Variants in ATP11A observed in about 807,000 individuals in gnomAD.
The protein encoded by ATP11A is phospholipid-transporting ATPase IH.
Under a neutral mutation model 154.4 loss-of-function variants are expected in ATP11A, and 81 were observed. The ratio of observed to expected loss-of-function variants is 0.52; its 90% CI spans 0.44 to 0.63. ATP11A has a LOEUF of 0.63. Ranked by LOEUF, ATP11A falls within the 30% of genes least tolerant of loss-of-function variation. The pLI is 0.00. For missense variants in ATP11A, 1,316 were observed against 1,474.3 expected (o/e 0.89, Z 1.76); for synonymous variants, 623 against 585.9 (o/e 1.06, Z -0.91).
chr13:112,882,628 C>G lies in ATP11A; in HGVS notation c.*762C>G. The G allele has an allele frequency of 2.5e-6, 1 of 401,484 alleles. No individual in the cohort carries two copies. Among genetic ancestry groups the G allele is most frequent in the Non-Finnish European group, 4.4e-6 (1 of 228,462 alleles). The allele number at this position is 401,484 out of a possible 1,614,324, so 24.9% of individuals were successfully genotyped here. A position where few individuals can be genotyped will look rare whatever the true frequency, so the allele number is the denominator to read the frequency against. On this transcript the variant is annotated 3_prime_UTR_variant, in exon 30 of 30. Transcript: ENST00000375645. The surrounding 1 kb of genome is among the most constrained non-coding windows in gnomAD (Gnocchi z 5.1). ...GTTGGGGCTGGCTGAGTTTCGGTCT[C>G]CCCATCACCGGCCGCCTCGTGGAGA...
chr13:112,784,742 C>T (rs529452396), intron 1 of ATP11A, among the ~76,000 whole-genome samples: 18 of 152,296 alleles, frequency 1.2e-4, no homozygotes, highest in Admixed American at 3.9e-4. Context: ...CCAGGATGGT[C>T]TCCATCTCCT....
At chr13:112,744,767 A>G (rs889132268) in intron 1 of ATP11A, among the ~76,000 whole-genome samples, 7 of 152,322 alleles carry the variant, frequency 4.6e-5, no homozygotes, top group African/African-American at 7.2e-5. Flanking sequence ...CAGTGTTCCA[A>G]GTGTGTCCCA....
At chr13:112,880,797 T>C in intron 29 of ATP11A, 2 of 1,149,496 alleles carry the variant, frequency 1.7e-6, no homozygotes, top group Non-Finnish European at 2.2e-6. Context: ...GCATTTGCTG[T>C]CCCAGGTAAG....
intron 27 of ATP11A, among the ~76,000 whole-genome samples, chr13:112,874,831 C>G (rs1010773412): frequency 6.6e-6 from 1 of 152,232 alleles, no homozygotes; most frequent in Non-Finnish European, 1.5e-5. Context: ...GCCATTCTAA[C>G]AGCCCTGAAG....
At chr13:112,778,656 G>GCTGGAGTGAGGAGTAGCCA (rs1321384009) in intron 1 of ATP11A, among the ~76,000 whole-genome samples, 2 of 145,312 alleles carry the variant, frequency 1.4e-5, no homozygotes, top group Non-Finnish European at 3.0e-5. Context: ...AGGAGTAGCC[G>GCTGGAGTGAGGAGTAGCCA]CTGGAGTGAG....
Position 112,882,615 on chromosome 13 carries a change from T to C in ATP11A, c.*749T>C, listed in dbSNP as rs2080911285. ...GCCTGCCCTGTGTGTTGGGGCTGGC[T>C]GAGTTTCGGTCTCCCCATCACCGGC... On this transcript the variant is annotated 3_prime_UTR_variant, in exon 30 of 30. Transcript: ENST00000375645. The surrounding 1 kb of genome is among the most constrained non-coding windows in gnomAD (Gnocchi z 5.1). 1.0e-5 allele frequency: 4 copies of C among 401,026 alleles called. No homozygotes were observed. In the East Asian group the frequency reaches 1.4e-4, roughly 14 times the overall value. The allele number at this position is 401,026 out of a possible 1,614,324, so 24.8% of individuals were successfully genotyped here. A position where few individuals can be genotyped will look rare whatever the true frequency, so the allele number is the denominator to read the frequency against.
At chr13:112,729,992 T>A (rs932625084) in intron 1 of ATP11A, among the ~76,000 whole-genome samples, 3 of 152,204 alleles carry the variant, frequency 2.0e-5, no homozygotes, top group African/African-American at 4.8e-5. Flanking sequence ...GCAGCATAAT[T>A]TTTAGTTACA....
intron 1 of ATP11A, among the ~76,000 whole-genome samples, chr13:112,775,561 C>CT (rs2077328094): frequency 6.6e-6 from 1 of 152,156 alleles, no homozygotes; most frequent in Admixed American, 6.5e-5. Flanking sequence ...CGAATACTTT[C>CT]AAATGACTTA....
chr13:112,835,850 C>T (rs1332682113), intron 15 of ATP11A, among the ~76,000 whole-genome samples: 5 of 152,252 alleles, frequency 3.3e-5, no homozygotes. Flanking sequence ...CTCTGTTCAG[C>T]GGTGTTTAGG....
chr13:112,808,429 T>C (rs2078386306), intron 4 of ATP11A, among the ~76,000 whole-genome samples: 1 of 152,054 alleles, frequency 6.6e-6, no homozygotes, highest in Admixed American at 6.5e-5. Flanking sequence ...GGGATGGCCT[T>C]GCTTCCCCTA....
At chr13:112,826,056 C>T (rs1263925186) in intron 11 of ATP11A, among the ~76,000 whole-genome samples, 1 of 151,850 alleles carries the variant, frequency 6.6e-6, no homozygotes, top group Admixed American at 6.6e-5. Flanking sequence ...AACCCAGACC[C>T]ATATCCACTG....
chr13:112,739,394 A>G lies in ATP11A; in HGVS notation c.40-45741A>G, dbSNP rs572591286. 3.3e-5 allele frequency among the ~76,000 whole-genome samples: 5 copies of G among 152,358 alleles called. No homozygotes were observed. In the East Asian group the frequency reaches 7.7e-4, roughly 23 times the overall value. On this transcript the variant is annotated intron_variant, in intron 1 of 29. Transcript: ENST00000375645. ...GTCAACATTATTTGCATTTATTTAC[A>G]TTAGAGAAATGCAAATAAAAACTTT...
chr13:112,790,313 C>T (rs426828), intron 2 of ATP11A, among the ~76,000 whole-genome samples: 7,959 of 150,902 alleles, frequency 0.053, 693 homozygotes, highest in African/African-American at 0.18. Context: ...AGCATCCTGA[C>T]GTGTAGACCC....
chr13:112,841,083 C>T (rs8000285), intron 16 of ATP11A, among the ~76,000 whole-genome samples: 1,885 of 152,394 alleles, frequency 0.012, 24 homozygotes, highest in South Asian at 0.048. Flanking sequence ...TCCCTGCACC[C>T]AGGCACAAAC....
rs566027391 is a variant in ATP11A at position 112,883,448 on chromosome 13, C to T, written c.*1582C>T. ...CGGCCCTCACGCCCGCCCCGCGCCA[C>T]GCTGTGGAACGGGGCTCCGGCAAGT... is the stretch of plus-strand genomic sequence containing the variant. On this transcript the variant is annotated 3_prime_UTR_variant, in exon 30 of 30. Coordinates refer to ENST00000375645, the MANE Select transcript of ATP11A (RefSeq NM_015205.3). 2.2e-5 allele frequency: 8 copies of T among 368,368 alleles called. No individual in the cohort carries two copies. Among genetic ancestry groups the T allele is most frequent in the East Asian group, 1.2e-4 (3 of 25,142 alleles). 22.8% of individuals were successfully genotyped at this position (368,368 alleles called of 1,614,324 possible).
At position 112,790,082 on chromosome 13, in the gene ATP11A, T is replaced by G. The variant is rs547830063; in HGVS notation, c.162+4825T>G. Among the ~76,000 whole-genome samples the G allele has an allele frequency of 3.3e-3, 482 of 147,398 alleles. 5 individuals carry two copies. Among genetic ancestry groups the G allele is most frequent in the African/African-American group, 0.011 (448 of 39,920 alleles). ...ACACCCGGCATCCTGACGTGTAGACTCCTATGTAGACCTATTTAATTCACA... is the reference window on the plus strand; with the variant it reads ...ACACCCGGCATCCTGACGTGTAGACGCCTATGTAGACCTATTTAATTCACA... On this transcript the variant is annotated intron_variant, in intron 2 of 29. Transcript: ENST00000375645.
In ATP11A at chr13:112,754,202, T is replaced by A. The variant is rs1398830929; in HGVS notation, c.40-30933T>A. 6.6e-6 allele frequency among the ~76,000 whole-genome samples: 1 copy of A among 152,208 alleles called. No individual in the cohort carries two copies. The highest frequency in any genetic ancestry group is 1.9e-4 in the East Asian group (1 of 5,192). On this transcript the variant is annotated intron_variant, in intron 1 of 29. Coordinates refer to ENST00000375645, the MANE Select transcript of ATP11A (RefSeq NM_015205.3). The surrounding 1 kb of genome is among the most constrained non-coding windows in gnomAD (Gnocchi z 5.3). The stretch of plus-strand genomic sequence containing the variant: ...GCTGGGGTCTGGGAAATTCGTTTTC[T>A]CGCAGAAGGCAGAGAAGGCCGTGGA...
chr13:112,819,225 T>C, intron 6 of ATP11A, 79 bp from the exon 7 acceptor site: 2 of 1,170,602 alleles, frequency 1.7e-6, no homozygotes, highest in Non-Finnish European at 2.6e-6. Flanking sequence ...GGCTTTGTAA[T>C]CACTTGGTTG....
At chr13:112,855,838 A>C (rs1214559302) in intron 19 of ATP11A, 73 bp from the exon 20 acceptor site, 18 of 1,410,588 alleles carry the variant, frequency 1.3e-5, no homozygotes, top group Non-Finnish European at 1.7e-5. Context: ...GTCGATATCC[A>C]AAAACAATAC....
Sources: gnomAD v4.1 joint callset for allele counts (sites outside exome capture counted in the v4.1 genomes callset) on GRCh38, gnomAD v4.1.1 for gene constraint, Gnocchi (gnomAD v3.1) non-coding constraint, MANE v1.5 for transcripts, NCBI Gene and HGNC (gene_info 2026-07-23, HGNC 2026-07-21) for gene names.